SEMA6D: variants seen among roughly 807,000 people sequenced by gnomAD.
The protein encoded by SEMA6D is semaphorin-6D.
Under a neutral mutation model 106.6 loss-of-function variants are expected in SEMA6D, and 35 were observed. The observed-to-expected ratio is 0.33, with a 90% CI of 0.25 to 0.44. SEMA6D has a LOEUF of 0.44. SEMA6D is among the 20% of genes least tolerant of loss of function. SEMA6D has a pLI of 1.00. For missense variants in SEMA6D, 1,185 were observed against 1,345.9 expected, an observed-to-expected ratio of 0.88 and a Z score of 1.87; for synonymous variants, 499 against 487.7, an observed-to-expected ratio of 1.02 and a Z score of -0.31.
chr15:47,427,334 A>G (rs1024660833), intron 2 of SEMA6D, among the ~76,000 whole-genome samples: 3 of 152,150 alleles, frequency 2.0e-5, no homozygotes, highest in African/African-American at 7.2e-5. Flanking sequence ...CACAGCCACT[A>G]GGTCTGGGAG....
At chr15:47,408,980 T>A (rs2040692362) in intron 1 of SEMA6D, among the ~76,000 whole-genome samples, 1 of 152,250 alleles carries the variant, frequency 6.6e-6, no homozygotes, top group Non-Finnish European at 1.5e-5. Flanking sequence ...CAGTTGTACT[T>A]ACTGAATGTT....
chr15:47,700,123 A>C (rs1032101595), intron 4 of SEMA6D, among the ~76,000 whole-genome samples: 59 of 135,308 alleles, frequency 4.4e-4, no homozygotes, highest in Admixed American at 1.7e-3. Flanking sequence ...TATTGAAATA[A>C]ATCAAAAAGG....
At chr15:47,404,723 A>G (rs1257761751) in intron 1 of SEMA6D, among the ~76,000 whole-genome samples, 7 of 152,160 alleles carry the variant, frequency 4.6e-5, no homozygotes, top group Non-Finnish European at 2.9e-5. Context: ...CTCACATGCT[A>G]TTTTGCTAAA....
chr15:47,500,322 T>C (rs990390966), intron 3 of SEMA6D, among the ~76,000 whole-genome samples: 1 of 152,012 alleles, frequency 6.6e-6, no homozygotes, highest in Non-Finnish European at 1.5e-5. Flanking sequence ...AAAAAAAATA[T>C]AAAGATACCA....
Position 47,763,114 on chromosome 15 carries a change from T to C in SEMA6D, c.747+10T>C. 3 of 1,602,898 alleles carry C rather than the reference T, an allele frequency of 1.9e-6. No individual in the cohort carries two copies. Among genetic ancestry groups the C allele is most frequent in the Non-Finnish European group, 2.6e-6 (3 of 1,171,822 alleles). On this transcript the variant is annotated intron_variant, in intron 9 of 18. Coordinates refer to ENST00000536845, the MANE Select transcript of SEMA6D (RefSeq NM_001358351.3). The stretch of plus-strand genomic sequence containing the variant: ...TAATAATTTAGGCAAGGCAAGTATA[T>C]GCATTTGGCTTGAATTGTGGACTTG...
At chr15:47,685,555 T>C (rs1455068663) in intron 4 of SEMA6D, among the ~76,000 whole-genome samples, 1 of 152,166 alleles carries the variant, frequency 6.6e-6, no homozygotes, top group Admixed American at 6.5e-5. Flanking sequence ...CTTTGCCCAG[T>C]GAGGAGTTAA....
chr15:47,766,771 G>T, intron 16 of SEMA6D, 94 bp downstream of exon 16: 2 of 842,648 alleles, frequency 2.4e-6, no homozygotes, highest in Non-Finnish European at 1.9e-6. Flanking sequence ...AATGACTCAG[G>T]ACACATACCA....
intron 1 of SEMA6D, among the ~76,000 whole-genome samples, chr15:47,345,933 A>C (rs1220868264): frequency 6.6e-6 from 1 of 152,096 alleles, no homozygotes; most frequent in Non-Finnish European, 1.5e-5. Context: ...CATATGCCTA[A>C]ATTTATTAGG....
chr15:47,444,000 G>C (rs2041954376), intron 2 of SEMA6D, among the ~76,000 whole-genome samples: 1 of 152,058 alleles, frequency 6.6e-6, no homozygotes, highest in South Asian at 2.1e-4. Context: ...TGGTATCTTG[G>C]GGATGTGGTC....
At chr15:47,409,503 G>A (rs1478055944) in intron 1 of SEMA6D, among the ~76,000 whole-genome samples, 6 of 152,142 alleles carry the variant, frequency 3.9e-5, no homozygotes, top group Admixed American at 3.9e-4. Flanking sequence ...CTGGACTTCA[G>A]TTCCTCCCCC....
intron 1 of SEMA6D, among the ~76,000 whole-genome samples, chr15:47,221,495 A>G (rs1000416900): frequency 2.6e-5 from 4 of 152,346 alleles, no homozygotes; most frequent in African/African-American, 7.2e-5. Context: ...CTGGGGTCCA[A>G]GGACCCCAAT....
chr15:47,313,235 T>C (rs1010353597), intron 1 of SEMA6D, among the ~76,000 whole-genome samples: 1 of 152,186 alleles, frequency 6.6e-6, no homozygotes, highest in Non-Finnish European at 1.5e-5. Flanking sequence ...ATACAGGGTA[T>C]TTTCATTGCC....
At chr15:47,192,161 A>G (rs1036351239) in intron 1 of SEMA6D, among the ~76,000 whole-genome samples, 3 of 151,602 alleles carry the variant, frequency 2.0e-5, no homozygotes, top group African/African-American at 7.3e-5. Flanking sequence ...CTCCTTAAAC[A>G]CTCAGTGCCT....
intron 1 of SEMA6D, among the ~76,000 whole-genome samples, chr15:47,726,001 A>G (rs586226): frequency 0.29 from 43,992 of 152,192 alleles, 7,872 homozygotes; most frequent in Middle Eastern, 0.4. Context: ...TACAAATTCA[A>G]TGTTGGGAAC....
At chr15:47,663,045 T>C (rs1450350043) in intron 4 of SEMA6D, among the ~76,000 whole-genome samples, 2 of 152,172 alleles carry the variant, frequency 1.3e-5, no homozygotes. Context: ...CCAGAAGGCA[T>C]TGAAGATCAG....
rs575029306 is a variant in SEMA6D at position 47,697,137 on chromosome 15, T to C, written c.-54-62608T>C. Among the ~76,000 whole-genome samples, 21 of 152,260 alleles carry C rather than the reference T, an allele frequency of 1.4e-4. No individual in the cohort carries two copies. In the South Asian group the frequency reaches 2.9e-3, roughly 21 times the overall value. On this transcript the variant is annotated intron_variant, in intron 4 of 19. Transcript: ENST00000558014. ...TTCTTGGCACCAGATTTTAAAGAAC[T>C]TAGTAGAACAAGTCAGCTGCATTTC...
At chr15:47,398,397 T>C (rs1309193957) in intron 1 of SEMA6D, among the ~76,000 whole-genome samples, 1 of 152,256 alleles carries the variant, frequency 6.6e-6, no homozygotes, top group African/African-American at 2.4e-5. Context: ...TCACTCTTGA[T>C]ACTATACATC....
chr15:47,593,926 C>A (rs1318159432), intron 3 of SEMA6D, among the ~76,000 whole-genome samples: 3 of 152,172 alleles, frequency 2.0e-5, no homozygotes, highest in African/African-American at 7.2e-5. Flanking sequence ...CATGAAGGAT[C>A]CACCCTCATG....
intron 3 of SEMA6D, among the ~76,000 whole-genome samples, chr15:47,513,758 C>A (rs531322791): frequency 6.6e-6 from 1 of 152,322 alleles, no homozygotes; most frequent in East Asian, 1.9e-4. Context: ...CTCAGCAGTT[C>A]AGGATACCGA....
Sources: allele counts gnomAD v4.1 joint callset (sites outside exome capture counted in the v4.1 genomes callset), GRCh38; gene constraint gnomAD v4.1.1; transcripts MANE v1.5; gene names NCBI Gene and HGNC (gene_info 2026-07-23, HGNC 2026-07-21).